BIRC6: variants seen among roughly 807,000 people sequenced by gnomAD.
BIRC6 encodes baculoviral IAP repeat containing 6, also known as dual E2 ubiquitin-conjugating enzyme/E3 ubiquitin-protein ligase BIRC6.
Under a neutral mutation model 503.3 loss-of-function variants are expected in BIRC6, and 98 were observed. That is an observed-to-expected ratio of 0.19 (90% CI 0.17 to 0.23). BIRC6 has a LOEUF of 0.23. Among genes scored for constraint, BIRC6 ranks in the 10% least tolerant of loss-of-function variants. The pLI is 1.00. For missense variants in BIRC6, 5,360 were observed against 5,806.0 expected (o/e 0.92, Z 2.50); for synonymous variants, 2,240 against 2,078.7 (o/e 1.08, Z -2.11).
Position 32,503,153 on chromosome 2 carries a change from A to G in BIRC6, c.9416A>G (p.Lys3139Arg). Residue 3139 changes from lysine to arginine, a missense_variant, in exon 49 of 74, where the codon AAA becomes AGA. By Grantham distance (26) the Lys-to-Arg change is conservative (BLOSUM62 2). Coordinates refer to ENST00000421745, the MANE Select transcript of BIRC6 (RefSeq NM_016252.4). ...AAATTTCTTGACTCTGGTCCAAATA[A>G]AGCTGTTGACAGCACATTGAAAACA... ...IMKFLDSGPN[K>R]AVDSTLKTRI... 6.2e-7 allele frequency: 1 copy of G among 1,612,918 alleles called. No individual in the cohort carries two copies. The highest frequency in any genetic ancestry group is 1.1e-5 in the South Asian group (1 of 90,782).
intron 65 of BIRC6, among the ~76,000 whole-genome samples, chr2:32,571,302 A>G (rs1462553221): frequency 7.5e-6 from 1 of 133,546 alleles, no homozygotes; most frequent in Non-Finnish European, 1.6e-5. Flanking sequence ...TAATTTTTTT[A>G]GTTTTGGGAG....
intron 6 of BIRC6, among the ~76,000 whole-genome samples, 168 bp from the exon 7 acceptor site, chr2:32,400,995 A>G (rs1412069231): frequency 6.6e-6 from 1 of 152,240 alleles, no homozygotes; most frequent in Admixed American, 6.5e-5. Context: ...ACGGTTGAAC[A>G]TGTTAGAGTG....
rs1164696541 is a variant in BIRC6, at chr2:32,482,532, C to G, written c.7646C>G (p.Ala2549Gly). Reference sequence around the variant, plus strand: ...GGAATTCCTGTAGCAAAGCCACCAGCAAACACGGAGAAGAACGGATCACAG... The same window carrying G: ...GGAATTCCTGTAGCAAAGCCACCAGGAAACACGGAGAAGAACGGATCACAG... ...GLGIPVAKPPANTEKNGSQTV... is the reference protein window; with the variant it reads ...GLGIPVAKPPGNTEKNGSQTV... The change falls in exon 39 of 74, where the codon GCA becomes GGA. Residue 2549 changes from alanine (A) to glycine (G), a missense_variant. Ala to Gly is a moderately conservative substitution (Grantham distance 60). Around this residue, in one of 16 missense-constraint regions of BIRC6, gnomAD observed 2,299 missense variants for 2,267.2 expected, o/e 1.01. Coordinates refer to ENST00000421745, the MANE Select transcript of BIRC6 (RefSeq NM_016252.4). 6.2e-7 allele frequency: 1 copy of G among 1,613,970 alleles called. No individual in the cohort carries two copies. The highest frequency in any genetic ancestry group is 8.5e-7 in the Non-Finnish European group (1 of 1,179,860).
At chr2:32,417,566 A>G (rs780006989) in intron 10 of BIRC6, among the ~76,000 whole-genome samples, 3 of 152,196 alleles carry the variant, frequency 2.0e-5, no homozygotes, top group Non-Finnish European at 4.4e-5. Context: ...TAGGACTAGG[A>G]GATAGTTGAA....
chr2:32,361,708 C>T (rs1156244221), intron 1 of BIRC6, among the ~76,000 whole-genome samples: 2 of 152,142 alleles, frequency 1.3e-5, no homozygotes, highest in Admixed American at 1.3e-4. Context: ...ACTGTTCCCT[C>T]CCCTCTCCCT....
Position 32,477,368 on chromosome 2 carries a change from C to T in BIRC6, c.6853C>T (p.His2285Tyr). 2 of 1,613,172 alleles carry T rather than the reference C, an allele frequency of 1.2e-6. No individual in the cohort carries two copies. The highest frequency in any genetic ancestry group is 8.5e-7 in the Non-Finnish European group (1 of 1,179,624). Residue 2285 changes from histidine (H) to tyrosine (Y), a missense_variant and splice_region_variant, in exon 35 of 74, where the codon CAC becomes TAC. Physicochemically the swap from His to Tyr is moderately conservative, Grantham distance 83. Transcript: ENST00000421745. ...QAKLKQATSK[H>Y]FKDLIRLRRT... Reference sequence around the variant, plus strand: ...AAACACTATACATTTTTGTGTGCAGCACTTTAAGGATTTAATTCGTTTACG... The same window carrying T: ...AAACACTATACATTTTTGTGTGCAGTACTTTAAGGATTTAATTCGTTTACG...
chr2:32,592,636 C>G (rs1363498628), intron 66 of BIRC6, among the ~76,000 whole-genome samples: 1 of 151,570 alleles, frequency 6.6e-6, no homozygotes, highest in African/African-American at 2.4e-5. Flanking sequence ...ACTCTTGTTG[C>G]CCAGGCTGGA....
In BIRC6 at chr2:32,442,277, T is replaced by C. The variant is rs780970771; in HGVS notation, c.4107-47T>C. The C allele has an allele frequency of 2.2e-5, 35 of 1,606,956 alleles. No individual in the cohort carries two copies. In the East Asian group the frequency reaches 6.2e-4, roughly 29 times the overall value. On this transcript the variant is annotated intron_variant, in intron 18 of 73. Transcript: ENST00000421745. ...ACTGTTGATTGCCTTTTAGATGTTA[T>C]GATTGAAAGTTCAGGATGAGTCTAA...
chr2:32,462,689 G>C (rs147112711), intron 23 of BIRC6, among the ~76,000 whole-genome samples: 1 of 152,134 alleles, frequency 6.6e-6, no homozygotes, highest in Non-Finnish European at 1.5e-5. Context: ...GGGCGTGGTG[G>C]CTCACACCTG....
chr2:32,436,208 G>A (rs1313647404), intron 15 of BIRC6, 24 bp downstream of exon 15: 3 of 1,373,944 alleles, frequency 2.2e-6, no homozygotes, highest in Admixed American at 2.9e-5. Flanking sequence ...TTTTACAAAA[G>A]CAGAATTAAT....
intron 71 of BIRC6, among the ~76,000 whole-genome samples, chr2:32,604,182 G>A (rs567482287): frequency 3.3e-5 from 5 of 152,252 alleles, no homozygotes; most frequent in African/African-American, 9.6e-5. Context: ...CCCTTTTACA[G>A]ATGATGAAAA....
intron 9 of BIRC6, among the ~76,000 whole-genome samples, chr2:32,412,559 G>T (rs2042003609): frequency 6.6e-6 from 1 of 152,032 alleles, no homozygotes. Context: ...TAATGTAGTT[G>T]TGTGGCTTTA....
chr2:32,587,281 G>C (rs2061099260), intron 66 of BIRC6, among the ~76,000 whole-genome samples: 1 of 152,206 alleles, frequency 6.6e-6, no homozygotes, highest in Non-Finnish European at 1.5e-5. Context: ...CAGCTACTCG[G>C]GAGGCTGAGG....
At chr2:32,509,166 C>A (rs1268386018) in intron 51 of BIRC6, among the ~76,000 whole-genome samples, 1 of 152,012 alleles carries the variant, frequency 6.6e-6, no homozygotes, top group East Asian at 1.9e-4. Context: ...TATATAATTG[C>A]ATGTAAAAGA....
Position 32,529,776 on chromosome 2 carries a change from C to T in BIRC6, c.12046C>T (p.Pro4016Ser), listed in dbSNP as rs772133778. The change falls in exon 60 of 74, where the codon CCC becomes TCC. Residue 4016 changes from proline (P) to serine (S), a missense_variant. Physicochemically the swap from Pro to Ser is moderately conservative, Grantham distance 74 (BLOSUM62 -1). Coordinates refer to ENST00000421745, the MANE Select transcript of BIRC6 (RefSeq NM_016252.4). ...ATTGGGATCAAGAGTTATAACAGAC[C>T]CCAGTCTATCAAAAACAGATTCTTA... ...VKLGSRVITD[P>S]SLSKTDSYKR... 6 of 1,612,534 alleles carry T rather than the reference C, an allele frequency of 3.7e-6. No homozygotes were observed. In the South Asian group the frequency reaches 5.5e-5, roughly 15 times the overall value.
intron 66 of BIRC6, among the ~76,000 whole-genome samples, chr2:32,576,938 A>G (rs954898789): frequency 2.0e-5 from 3 of 152,194 alleles, no homozygotes; most frequent in Admixed American, 2.0e-4. Context: ...TGGAAAATGT[A>G]AAGGTATATT....
intron 6 of BIRC6, among the ~76,000 whole-genome samples, chr2:32,395,883 G>C (rs2039822976): frequency 6.6e-6 from 1 of 152,166 alleles, no homozygotes; most frequent in Admixed American, 6.5e-5. Context: ...GTGAGCTTCA[G>C]CAGTTGAATC....
intron 3 of BIRC6, among the ~76,000 whole-genome samples, chr2:32,381,540 CTTTT>C (rs71407447): frequency 2.4e-5 from 3 of 125,328 alleles, no homozygotes; most frequent in Admixed American, 1.6e-4. Context: ...GCACCTGGCT[CTTTT>C]TTTTTTTTTT....
At chr2:32,596,650 T>C (rs1277260046) in intron 68 of BIRC6, among the ~76,000 whole-genome samples, 1 of 151,824 alleles carries the variant, frequency 6.6e-6, no homozygotes, top group Non-Finnish European at 1.5e-5. Flanking sequence ...TCCAGACATA[T>C]GTTTGTGTAT....
Sources: gnomAD v4.1 joint callset for allele counts (sites outside exome capture counted in the v4.1 genomes callset) on GRCh38, gnomAD v4.1.1 for gene constraint, gnomAD v4.1.1 regional missense constraint, MANE v1.5 for transcripts, NCBI Gene and HGNC (gene_info 2026-07-23, HGNC 2026-07-21) for gene names.